The following WWOX variants were observed in gnomAD, a reference collection of about 807,000 sequenced individuals.
WWOX encodes the protein WW domain-containing oxidoreductase.
In WWOX, 69 loss-of-function variants were observed where a neutral mutation model predicts 46.2. The ratio of observed to expected loss-of-function variants is 1.49; its 90% CI spans 1.23 to 1.82. The LOEUF is 1.82. WWOX is among the 40% of genes most tolerant of loss of function. The pLI is 0.00. For missense variants in WWOX, 919 were observed against 542.6 expected, an observed-to-expected ratio of 1.69 and a Z score of -6.89; for synonymous variants, 359 against 202.6, an observed-to-expected ratio of 1.77 and a Z score of -6.56.
chr16:79,106,581 AATTT>A (rs2049311643), intron 8 of WWOX: 1 of 116,496 alleles, frequency 8.6e-6, no homozygotes, highest in African/African-American at 3.6e-5. Flanking sequence ...TTCTTAAAAT[AATTT>A]TTTTTTTTTT....
At chr16:78,367,068 C>T (rs1208951358) in intron 5 of WWOX, among the ~76,000 whole-genome samples, 2 of 149,688 alleles carry the variant, frequency 1.3e-5, no homozygotes, top group Non-Finnish European at 3.0e-5. Flanking sequence ...CAAGCTCTGC[C>T]TCCCAGGTTT....
At chr16:78,448,058 C>T (rs987699974) in intron 8 of WWOX, among the ~76,000 whole-genome samples, 1 of 152,144 alleles carries the variant, frequency 6.6e-6, no homozygotes, top group Non-Finnish European at 1.5e-5. Flanking sequence ...CCTGCCTCAG[C>T]CTCCCGATGT....
intron 5 of WWOX, among the ~76,000 whole-genome samples, chr16:78,365,558 G>A (rs1194200499): frequency 6.6e-6 from 1 of 152,144 alleles, no homozygotes; most frequent in Non-Finnish European, 1.5e-5. Context: ...GCTGTCCCCA[G>A]TAGGATTCTG....
chr16:78,456,171 C>G (rs749229429), intron 8 of WWOX, among the ~76,000 whole-genome samples: 1 of 152,198 alleles, frequency 6.6e-6, no homozygotes, highest in African/African-American at 2.4e-5. Flanking sequence ...CTGTTGGCCC[C>G]AGGTTGTGTC....
chr16:78,913,407 A>C (rs370301420), intron 8 of WWOX, among the ~76,000 whole-genome samples: 1 of 151,842 alleles, frequency 6.6e-6, no homozygotes, highest in Non-Finnish European at 1.5e-5. Flanking sequence ...CCCCTTCTCA[A>C]CCTGACCTGT....
chr16:78,333,338 C>T (rs886541746), intron 5 of WWOX, among the ~76,000 whole-genome samples: 2 of 151,980 alleles, frequency 1.3e-5, no homozygotes, highest in Non-Finnish European at 2.9e-5. Context: ...CATGAGCCAC[C>T]AAACCTGGTC....
At chr16:78,895,046 T>C (rs1226456706) in intron 8 of WWOX, among the ~76,000 whole-genome samples, 1 of 152,208 alleles carries the variant, frequency 6.6e-6, no homozygotes, top group African/African-American at 2.4e-5. Context: ...ATGTCTTATC[T>C]TGGTAGTACG....
At chr16:78,540,463 A>C (rs2043865313) in intron 8 of WWOX, among the ~76,000 whole-genome samples, 1 of 152,126 alleles carries the variant, frequency 6.6e-6, no homozygotes, top group South Asian at 2.1e-4. Context: ...CATTACTAGT[A>C]CTCAGGAAAT....
intron 8 of WWOX, among the ~76,000 whole-genome samples, chr16:78,951,687 G>A (rs1396285269): frequency 1.3e-5 from 2 of 152,212 alleles, no homozygotes; most frequent in African/African-American, 4.8e-5. Context: ...CAGGACTGCG[G>A]TTCTACCCAG....
intron 5 of WWOX, among the ~76,000 whole-genome samples, chr16:78,238,973 C>T (rs1179771011): frequency 6.6e-6 from 1 of 152,076 alleles, no homozygotes; most frequent in Non-Finnish European, 1.5e-5. Flanking sequence ...GTTTGATGTG[C>T]TCTTGTCCCC....
At chr16:78,991,895 A>C (rs1256095227) in intron 8 of WWOX, among the ~76,000 whole-genome samples, 1 of 152,048 alleles carries the variant, frequency 6.6e-6, no homozygotes, top group South Asian at 2.1e-4. Context: ...ACCTCCATAA[A>C]TGTTCCTTTG....
chr16:78,454,138 G>T (rs1406537340), intron 8 of WWOX, among the ~76,000 whole-genome samples: 2 of 152,268 alleles, frequency 1.3e-5, no homozygotes, highest in East Asian at 3.9e-4. Flanking sequence ...GTTTCTTGAG[G>T]ATTGGTCTCC....
At chr16:78,660,078 C>T (rs2047176646) in intron 8 of WWOX, among the ~76,000 whole-genome samples, 1 of 152,240 alleles carries the variant, frequency 6.6e-6, no homozygotes, top group Middle Eastern at 3.4e-3. Context: ...TGTTTATCTT[C>T]TCTGTGCAAG....
At chr16:78,429,079 G>C (rs566708960) in intron 7 of WWOX, among the ~76,000 whole-genome samples, 19 of 152,244 alleles carry the variant, frequency 1.2e-4, no homozygotes, top group African/African-American at 4.6e-4. Flanking sequence ...ATCTAATTCT[G>C]TATTGAGTCC....
intron 8 of WWOX, among the ~76,000 whole-genome samples, chr16:78,753,303 A>G (rs1034457562): frequency 7.9e-5 from 12 of 151,884 alleles, no homozygotes; most frequent in Non-Finnish European, 1.5e-4. Flanking sequence ...TGAGCGACAG[A>G]GTGAGACTCC....
intron 5 of WWOX, among the ~76,000 whole-genome samples, chr16:78,314,688 G>GTTTTTTTTTTTTT (rs375905643): frequency 2.2e-5 from 2 of 90,512 alleles, no homozygotes; most frequent in African/African-American, 9.8e-5. Context: ...CCCTGCAGGG[G>GTTTTTTTTTTTTT]TTTTTTTTTT....
In WWOX at chr16:78,749,630, G is replaced by A. The variant is rs113353778; in HGVS notation, c.1056+316878G>A. Among the ~76,000 whole-genome samples the A allele has an allele frequency of 5.1e-3, 779 of 152,300 alleles. 6 individuals are homozygous for A. Among genetic ancestry groups the A allele is most frequent in the African/African-American group, 0.018 (748 of 41,558 alleles). ...TTGGAGGATAAGGAAGCATGAATTA[G>A]GGTGGAGGAAGTGTTTTCTGGTCTA... On this transcript the variant is annotated intron_variant, in intron 8 of 8. Transcript: ENST00000566780.
intron 8 of WWOX, among the ~76,000 whole-genome samples, chr16:78,935,372 A>G (rs150043436): frequency 6.6e-6 from 1 of 152,322 alleles, no homozygotes; most frequent in Middle Eastern, 3.4e-3. Context: ...CATCAATGAT[A>G]GACTGGATTA....
At chr16:78,609,197 G>T (rs1301751749) in intron 8 of WWOX, among the ~76,000 whole-genome samples, 1 of 152,218 alleles carries the variant, frequency 6.6e-6, no homozygotes. Context: ...AAACTAGGAA[G>T]TGTTGATAGA....
Sources: allele counts gnomAD v4.1 joint callset (sites outside exome capture counted in the v4.1 genomes callset), GRCh38; gene constraint gnomAD v4.1.1; transcripts MANE v1.5; gene names NCBI Gene and HGNC (gene_info 2026-07-23, HGNC 2026-07-21).